PHEX: variants seen among roughly 807,000 people sequenced by gnomAD.
PHEX encodes phosphate-regulating neutral endopeptidase PHEX.
Under a neutral mutation model 68.0 loss-of-function variants are expected in PHEX, and 16 were observed. That is an observed-to-expected ratio of 0.24 (90% confidence interval 0.16 to 0.36). PHEX has a LOEUF of 0.36. Among genes scored for constraint, PHEX ranks in the 10% least tolerant of loss-of-function variants. The pLI, the probability that PHEX is intolerant of heterozygous loss-of-function variation, is 1.00. For synonymous variants in PHEX, 208 were observed against 205.1 expected, an observed-to-expected ratio of 1.01 and a Z score of -0.12; for missense variants, 480 against 575.5, an observed-to-expected ratio of 0.83 and a Z score of 1.70.
rs746349559 is a variant in PHEX at position 22,113,943 on chromosome X, C to CTTTTT, written c.1174-496_1174-492dup. Among the ~76,000 whole-genome samples the CTTTTT allele has an allele frequency of 1.0e-3, 66 of 63,952 alleles. 1 individual carries two copies. Among genetic ancestry groups the CTTTTT allele is most frequent in the Non-Finnish European group, 1.5e-3 (51 of 34,367 alleles). The allele number at this position is 63,952 out of a possible 115,157, so 55.5% of individuals were successfully genotyped here. ...TAAATCACTTTCTTTTCTTCTTCTT[C>CTTTTT]TTTTTTTTTTTTTTTTTTTTTTTCC... On this transcript the variant is annotated intron_variant, in intron 10 of 21. Coordinates refer to ENST00000379374, the MANE Select transcript of PHEX (RefSeq NM_000444.6).
Position 22,047,119 on chromosome X carries a change from A to G in PHEX, c.257A>G (p.Asp86Gly), listed in dbSNP as rs752781848. 1.7e-6 allele frequency: 2 copies of G among 1,205,376 alleles called. No individual in the cohort carries two copies. The highest frequency in any genetic ancestry group is 1.8e-5 in the South Asian group (1 of 56,821). Reference sequence around the variant, plus strand: ...GATAATTTCTTCCGGTTCGCTTGTGATGGCTGGATAAGCAATAATCCAATT... The same window carrying G: ...GATAATTTCTTCCGGTTCGCTTGTGGTGGCTGGATAAGCAATAATCCAATT... ...PCDNFFRFAC[D>G]GWISNNPIPE... Residue 86 changes from aspartate to glycine, a missense_variant, in exon 3 of 22, where the codon GAT becomes GGT. Physicochemically the swap from Asp to Gly is moderately conservative, Grantham distance 94. Coordinates refer to ENST00000379374, the MANE Select transcript of PHEX (RefSeq NM_000444.6).
chrX:22,175,176 C>T (rs923073945), intron 13 of PHEX, among the ~76,000 whole-genome samples: 1 of 111,917 alleles, frequency 8.9e-6, no homozygotes, highest in Admixed American at 9.5e-5. Context: ...GAAATATTCT[C>T]AACTTAATAA....
At chrX:22,224,953 C>CATACAGCGCTGTATGATTTATTATG in intron 18 of PHEX, among the ~76,000 whole-genome samples, 1 of 113,767 alleles carries the variant, frequency 8.8e-6, no homozygotes, top group African/African-American at 3.2e-5. Context: ...CATAAATTAT[C>CATACAGCGCTGTATGATTTATTATG]ATACAGCGCT....
intron 9 of PHEX, among the ~76,000 whole-genome samples, chrX:22,107,925 A>G (rs999843915): frequency 1.8e-5 from 2 of 112,089 alleles, no homozygotes; most frequent in African/African-American, 6.5e-5. Flanking sequence ...TTATGTACTG[A>G]CAGTGTGTCC....
intron 15 of PHEX, among the ~76,000 whole-genome samples, chrX:22,205,319 A>G (rs777741573): frequency 9.7e-4 from 109 of 111,847 alleles, no homozygotes; most frequent in Non-Finnish European, 1.9e-3. Flanking sequence ...AGGCTGCTGC[A>G]GGGATCCTAA....
At chrX:22,095,967 A>T (rs1465508700) in intron 7 of PHEX, among the ~76,000 whole-genome samples, 1 of 111,667 alleles carries the variant, frequency 9.0e-6, no homozygotes, top group Admixed American at 9.5e-5. Flanking sequence ...GGTTTTATTG[A>T]TGGAGTAGCC....
At chrX:22,112,685 T>C (rs776146121) in intron 10 of PHEX, among the ~76,000 whole-genome samples, 3 of 110,846 alleles carry the variant, frequency 2.7e-5, no homozygotes, top group Admixed American at 9.7e-5. Context: ...GGCAGGCAAA[T>C]TGAGGTCAGG....
intron 9 of PHEX, among the ~76,000 whole-genome samples, chrX:22,101,240 C>T (rs892170137): frequency 1.8e-5 from 2 of 112,008 alleles, no homozygotes; most frequent in Non-Finnish European, 3.8e-5. Flanking sequence ...ATCCCTCAAC[C>T]ACCAGTTTAT....
At chrX:22,190,167 A>G (rs1286305898) in intron 14 of PHEX, among the ~76,000 whole-genome samples, 1 of 112,408 alleles carries the variant, frequency 8.9e-6, no homozygotes, top group Non-Finnish European at 1.9e-5. Context: ...AAACTTTTTC[A>G]AAAGCACTGG....
At position 22,234,505 on chromosome X, in the gene PHEX, C is replaced by A. The variant is rs182945899; in HGVS notation, c.2070+6894C>A. On this transcript the variant is annotated intron_variant, in intron 20 of 21. Coordinates refer to ENST00000379374, the MANE Select transcript of PHEX (RefSeq NM_000444.6). ...CATCTGGCAGTCTGGCCACAGTGGC[C>A]GTGCTGAGCTGTGGTGGGCTCCTCC... Among the ~76,000 whole-genome samples the A allele has an allele frequency of 2.7e-5, 3 of 110,741 alleles. No homozygotes were observed. In the Admixed American group the frequency reaches 2.9e-4, roughly 11 times the overall value.
chrX:22,174,263 CT>C (rs1434879121), intron 13 of PHEX, among the ~76,000 whole-genome samples: 1 of 112,047 alleles, frequency 8.9e-6, no homozygotes, highest in African/African-American at 3.2e-5. Context: ...GGACAAGAGG[CT>C]TTTGAGCCAA....
At chrX:22,230,429 G>T (rs5904631) in intron 20 of PHEX, among the ~76,000 whole-genome samples, 42,419 of 106,154 alleles carry the variant, frequency 0.4, 6,952 homozygotes, top group African/African-American at 0.55. Flanking sequence ...TTTTTCCATT[G>T]GTTTGTGTTC....
intron 12 of PHEX, among the ~76,000 whole-genome samples, chrX:22,165,116 A>C (rs1215866863): frequency 8.9e-6 from 1 of 112,084 alleles, no homozygotes; most frequent in Non-Finnish European, 1.9e-5. Flanking sequence ...TGAGTGAGGA[A>C]AATTGAAAGG....
intron 3 of PHEX, among the ~76,000 whole-genome samples, chrX:22,052,260 C>T (rs5904610): frequency 0.42 from 46,976 of 111,044 alleles, 7,460 homozygotes; most frequent in African/African-American, 0.51. Flanking sequence ...AGAGCCTTGC[C>T]CTGTTGCCCA....
At chrX:22,127,124 G>A (rs1298179827) in intron 11 of PHEX, among the ~76,000 whole-genome samples, 3 of 109,923 alleles carry the variant, frequency 2.7e-5, no homozygotes, top group Admixed American at 9.7e-5. Context: ...CGCCCACCTC[G>A]GCCTCCCAAA....
rs187497707 is a variant in PHEX, at chrX:22,223,102, C to T, written c.1899+1359C>T. Among the ~76,000 whole-genome samples, 274 of 112,226 alleles carry T rather than the reference C, an allele frequency of 2.4e-3. 1 individual carries two copies. Among genetic ancestry groups the T allele is most frequent in the Admixed American group, 0.02 (211 of 10,590 alleles). On this transcript the variant is annotated intron_variant, in intron 18 of 21. Transcript: ENST00000379374. ...TAGAAAGGGCATGCCTGTCTTAGCACCAATCCACTTAACCATCAGAAAACA... is the reference window on the plus strand; with the variant it reads ...TAGAAAGGGCATGCCTGTCTTAGCATCAATCCACTTAACCATCAGAAAACA...
intron 11 of PHEX, among the ~76,000 whole-genome samples, chrX:22,119,142 C>T (rs924218788): frequency 4.5e-5 from 5 of 111,226 alleles, no homozygotes; most frequent in African/African-American, 1.3e-4. Context: ...CTGCCACCTC[C>T]GCCTCCCTGT....
chrX:22,233,378 C>G (rs1174029852), intron 20 of PHEX, among the ~76,000 whole-genome samples: 1 of 111,374 alleles, frequency 9.0e-6, no homozygotes, highest in East Asian at 2.8e-4. Flanking sequence ...AGGGGAAGTT[C>G]TCCTGGATAA....
intron 10 of PHEX, among the ~76,000 whole-genome samples, chrX:22,112,589 A>G (rs1481123514): frequency 1.8e-5 from 2 of 111,157 alleles, no homozygotes; most frequent in South Asian, 3.8e-4. Context: ...ATATGCTTTG[A>G]CCCTATAAAG....
Sources: allele counts gnomAD v4.1 joint callset (sites outside exome capture counted in the v4.1 genomes callset), GRCh38; gene constraint gnomAD v4.1.1; transcripts MANE v1.5; gene names NCBI Gene and HGNC (gene_info 2026-07-23, HGNC 2026-07-21).